Variants in PEBP4 observed in about 807,000 individuals in gnomAD.
PEBP4 encodes the protein phosphatidylethanolamine-binding protein 4.
Under a neutral mutation model 23.9 loss-of-function variants are expected in PEBP4, and 22 were observed. The ratio of observed to expected loss-of-function variants is 0.92; its 90% CI spans 0.66 to 1.31. The LOEUF (loss-of-function observed/expected upper bound fraction) is 1.31, where lower values mean the gene tolerates loss of function less well. Ranked by LOEUF, PEBP4 falls within the 40% of genes most tolerant of loss-of-function variation. The pLI is 0.00. For missense variants in PEBP4, 324 were observed against 281.7 expected (o/e 1.15, Z -1.07); for synonymous variants, 112 against 99.3 (o/e 1.13, Z -0.76).
At chr8:22,913,693 T>C (rs902726300) in intron 3 of PEBP4, among the ~76,000 whole-genome samples, 2 of 152,314 alleles carry the variant, frequency 1.3e-5, no homozygotes, top group East Asian at 1.9e-4. Context: ...TGAAATATCC[T>C]CCTAACTCCC....
intron 4 of PEBP4, among the ~76,000 whole-genome samples, chr8:22,743,640 G>C (rs1319841262): frequency 6.6e-6 from 1 of 152,054 alleles, no homozygotes; most frequent in African/African-American, 2.4e-5. Context: ...TTAGGTCAAT[G>C]GCTGACAACA....
rs549296210 is a variant in PEBP4, at chr8:22,853,416, G to A, written c.259-35681C>T. ...TTTCATACTAAAGGAAGTCAATGCCGGGCACTGGAGTTTACTGCAAAGTTC... is the reference window on the plus strand; with the variant it reads ...TTTCATACTAAAGGAAGTCAATGCCAGGCACTGGAGTTTACTGCAAAGTTC... On this transcript the variant is annotated intron_variant, in intron 3 of 6. Transcript: ENST00000256404. Among the ~76,000 whole-genome samples, 7 of 152,294 alleles carry A rather than the reference G, an allele frequency of 4.6e-5. No individual in the cohort carries two copies. The South Asian group carries it at 1.0e-3, about 23-fold the overall frequency.
At chr8:22,751,749 A>G (rs1175358188) in intron 4 of PEBP4, among the ~76,000 whole-genome samples, 1 of 152,194 alleles carries the variant, frequency 6.6e-6, no homozygotes, top group Non-Finnish European at 1.5e-5. Flanking sequence ...AAAACAAAGC[A>G]GTCTCCTCTG....
At chr8:22,735,429 G>A (rs577290410) in intron 4 of PEBP4, among the ~76,000 whole-genome samples, 113 of 152,340 alleles carry the variant, frequency 7.4e-4, no homozygotes, top group African/African-American at 2.7e-3. Context: ...ATGTATAAAT[G>A]TGTGCATGAG....
intron 6 of PEBP4, among the ~76,000 whole-genome samples, chr8:22,715,991 C>T (rs375352497): frequency 2.0e-5 from 3 of 152,208 alleles, no homozygotes; most frequent in African/African-American, 4.8e-5. Context: ...AAAAGGGCAG[C>T]GCTGCTGTCT....
chr8:22,759,836 C>G (rs556499240), intron 4 of PEBP4, among the ~76,000 whole-genome samples: 1 of 152,318 alleles, frequency 6.6e-6, no homozygotes, highest in African/African-American at 2.4e-5. Context: ...CAGGCTGCAA[C>G]ATAGCAGTGT....
upstream of PEBP4, among the ~76,000 whole-genome samples, chr8:22,929,925 C>G (rs1585162378): frequency 6.6e-6 from 1 of 152,168 alleles, no homozygotes; most frequent in Non-Finnish European, 1.5e-5. Context: ...AGGCTGGTCT[C>G]GAACTCCTGG....
At chr8:22,848,199 C>G (rs570581732) in intron 3 of PEBP4, among the ~76,000 whole-genome samples, 1 of 152,094 alleles carries the variant, frequency 6.6e-6, no homozygotes, top group African/African-American at 2.4e-5. Context: ...TAATAGACAA[C>G]GAGTTAACAG....
chr8:22,809,801 G>A (rs968313381), intron 4 of PEBP4, among the ~76,000 whole-genome samples: 11 of 152,070 alleles, frequency 7.2e-5, no homozygotes, highest in Non-Finnish European at 1.3e-4. Context: ...TTGTTAATAT[G>A]TTCTATGGAT....
At chr8:22,772,491 C>CTTTTTTTTTTTTTTTT (rs1171525883) in intron 4 of PEBP4, among the ~76,000 whole-genome samples, 1 of 93,430 alleles carries the variant, frequency 1.1e-5, no homozygotes. Flanking sequence ...CTCTCTCTCT[C>CTTTTTTTTTTTTTTTT]TCTTTTTTTT....
chr8:22,839,230 C>T (rs1028520258), intron 3 of PEBP4, among the ~76,000 whole-genome samples: 14 of 152,170 alleles, frequency 9.2e-5, no homozygotes, highest in Middle Eastern at 3.4e-3. Flanking sequence ...GTCTTTAGGA[C>T]GTGGTGTTGG....
At chr8:22,895,059 A>G (rs1302776788) in intron 3 of PEBP4, among the ~76,000 whole-genome samples, 1 of 152,196 alleles carries the variant, frequency 6.6e-6, no homozygotes, top group African/African-American at 2.4e-5. Flanking sequence ...AGTAGGTGCC[A>G]TTTGTTTTTT....
chr8:22,772,360 C>A lies in PEBP4; in HGVS notation c.358-45140G>T, dbSNP rs191560287. 3.3e-5 allele frequency among the ~76,000 whole-genome samples: 5 copies of A among 152,338 alleles called. No homozygotes were observed. In the East Asian group the frequency reaches 9.6e-4, roughly 29 times the overall value. ...TATGCAAAGGCATCTAGAAGAGTCC[C>A]AGGCAAACTGTAAGCACTCAGTAAC... On this transcript the variant is annotated intron_variant, in intron 4 of 6. Transcript: ENST00000256404.
At position 22,727,217 on chromosome 8, in the gene PEBP4, C is replaced by T. The variant is rs753786074; in HGVS notation, c.361G>A (p.Ala121Thr). 1.1e-5 allele frequency: 17 copies of T among 1,613,566 alleles called. 1 individual carries two copies. The highest frequency in any genetic ancestry group is 3.3e-4 in the Middle Eastern group (2 of 6,082). ...RHWLVTDIKG[A>T]DLKKGKIQGQ... is the part of the protein sequence containing the mutation. ...TGAATCTTCCCTTTCTTCAGGTCGGCGCCCTGAAAGAAGAGACAAGCAGGG... is the reference window on the plus strand; with the variant it reads ...TGAATCTTCCCTTTCTTCAGGTCGGTGCCCTGAAAGAAGAGACAAGCAGGG... Residue 121 changes from alanine (A) to threonine (T), a missense_variant, in exon 5 of 7, where the codon GCC (alanine) becomes ACC (threonine). Physicochemically the swap from Ala to Thr is moderately conservative, Grantham distance 58 (BLOSUM62 0). Transcript: ENST00000256404.
intron 3 of PEBP4, among the ~76,000 whole-genome samples, chr8:22,919,249 C>T (rs924922746): frequency 6.6e-6 from 1 of 152,202 alleles, no homozygotes; most frequent in Admixed American, 6.5e-5. Context: ...CCCTGCCACC[C>T]TGCACAGAAA....
chr8:22,741,238 T>C (rs535749980), intron 4 of PEBP4, among the ~76,000 whole-genome samples: 2 of 152,284 alleles, frequency 1.3e-5, no homozygotes, highest in Middle Eastern at 3.4e-3. Flanking sequence ...TGAGCTGCCG[T>C]TCTCACGTGC....
Position 22,717,556 on chromosome 8 carries a change from C to T in PEBP4, c.518-4020G>A, listed in dbSNP as rs140039271. Among the ~76,000 whole-genome samples, 10 of 152,338 alleles carry T rather than the reference C, an allele frequency of 6.6e-5. No individual in the cohort carries two copies. The East Asian group carries it at 1.5e-3, about 23-fold the overall frequency. On this transcript the variant is annotated intron_variant, in intron 6 of 6. Coordinates refer to ENST00000256404, the MANE Select transcript of PEBP4 (RefSeq NM_144962.3). The stretch of plus-strand genomic sequence containing the variant: ...CCAGCTCCATTCTCCCATGGGCCCC[C>T]GTTCAGGTGGGCTGGAGAACAAGGA...
chr8:22,759,524 C>T (rs774846105), intron 4 of PEBP4, among the ~76,000 whole-genome samples: 3 of 152,022 alleles, frequency 2.0e-5, no homozygotes, highest in African/African-American at 4.8e-5. Flanking sequence ...TAGAGGTGCC[C>T]GCTCCGTCTC....
rs185706270 is a variant in PEBP4, at chr8:22,910,974, G to A, written c.258+9210C>T. On this transcript the variant is annotated intron_variant, in intron 3 of 6. Coordinates refer to ENST00000256404, the MANE Select transcript of PEBP4 (RefSeq NM_144962.3). ...GATACTGATGTATCAGCGTAGGTTC[G>A]TTGAGTAGAACAAATGCACCGCTCT... Among the ~76,000 whole-genome samples, 59 of 152,132 alleles carry A rather than the reference G, an allele frequency of 3.9e-4. 2 individuals carry two copies. The East Asian group carries it at 9.8e-3, about 25-fold the overall frequency.
Sources: gnomAD v4.1 joint callset for allele counts (sites outside exome capture counted in the v4.1 genomes callset) on GRCh38, gnomAD v4.1.1 for gene constraint, MANE v1.5 for transcripts, NCBI Gene and HGNC (gene_info 2026-07-23, HGNC 2026-07-21) for gene names.